The following RAB20 variants were observed in gnomAD, a reference collection of about 807,000 sequenced individuals.
RAB20 encodes ras-related protein Rab-20.
In RAB20, 2 loss-of-function variants were observed where a neutral mutation model predicts 3.7. The ratio of observed to expected loss-of-function variants is 0.54; its 90% CI spans 0.22 to 1.69. RAB20 has a LOEUF of 1.69. Ranked by LOEUF, RAB20 falls within the 40% of genes most tolerant of loss-of-function variation. The probability of loss-of-function intolerance (pLI) is 0.19; values close to 1 mark genes in which losing one functional copy is unlikely to be tolerated. For missense variants in RAB20, 276 were observed against 311.9 expected (o/e 0.88, Z 0.87); for synonymous variants, 126 against 130.8 (o/e 0.96, Z 0.25).
chr13:110,541,165 A>G (rs1594134342), intron 1 of RAB20, among the ~76,000 whole-genome samples: 1 of 151,208 alleles, frequency 6.6e-6, no homozygotes, highest in African/African-American at 2.4e-5. Flanking sequence ...ACACCTCACC[A>G]CTCTCCTGCC....
chr13:110,548,254 T>A (rs1254063860), intron 1 of RAB20, among the ~76,000 whole-genome samples: 1 of 152,116 alleles, frequency 6.6e-6, no homozygotes, highest in East Asian at 1.9e-4. Flanking sequence ...GAGGCCCAGG[T>A]GGGCAGATCA....
At chr13:110,536,938 C>A in intron 1 of RAB20, among the ~76,000 whole-genome samples, 1 of 77,136 alleles carries the variant, frequency 1.3e-5, no homozygotes, top group African/African-American at 4.9e-5. Context: ...CCTCCCCCCA[C>A]CCCACAACAG....
chr13:110,552,239 C>T (rs535995415), intron 1 of RAB20, among the ~76,000 whole-genome samples: 4 of 151,872 alleles, frequency 2.6e-5, no homozygotes, highest in Admixed American at 2.6e-4. Context: ...ATTAGCCGGG[C>T]ATGGTGGTGG....
In RAB20 at chr13:110,555,109, C is replaced by T. The variant is rs73623107; in HGVS notation, c.172+6239G>A. Among the ~76,000 whole-genome samples the T allele has an allele frequency of 0.013, 2,017 of 152,214 alleles. 37 individuals are homozygous for T. Among genetic ancestry groups the T allele is most frequent in the African/African-American group, 0.046 (1,910 of 41,540 alleles). ...GGAGCCTTGTGAAAAGGATGTAGCC[C>T]GGGAGTATGGAGCCTGCACAGAGCC... On this transcript the variant is annotated intron_variant, in intron 1 of 1. Transcript: ENST00000267328. This position sits in a 1 kb window ranked among gnomAD's most constrained non-coding sequence, Gnocchi z 4.0.
At position 110,553,149 on chromosome 13, in the gene RAB20, G is replaced by A. The variant is rs146944948; in HGVS notation, c.172+8199C>T. ...TGCACCCAGAAGGCACCTGTTCGAA[G>A]TCCTCAGTAGAGGTGACCATGTGGA... On this transcript the variant is annotated intron_variant, in intron 1 of 1. Transcript: ENST00000267328. 2.7e-3 allele frequency among the ~76,000 whole-genome samples: 416 copies of A among 152,364 alleles called. 1 individual carries two copies. Among genetic ancestry groups the A allele is most frequent in the Non-Finnish European group, 3.5e-3 (240 of 68,036 alleles).
intron 1 of RAB20, among the ~76,000 whole-genome samples, chr13:110,552,357 C>G (rs1206593983): frequency 2.9e-4 from 34 of 119,178 alleles, no homozygotes; most frequent in East Asian, 2.3e-3. Context: ...CCAGCCTGGG[C>G]AACAGAGTGA....
At chr13:110,527,282 G>A (rs369062782) in intron 1 of RAB20, among the ~76,000 whole-genome samples, 3 of 152,084 alleles carry the variant, frequency 2.0e-5, no homozygotes, top group East Asian at 3.9e-4. Flanking sequence ...CGCCCACAGA[G>A]ACACACACTC....
chr13:110,541,157 A>G (rs1884755177), intron 1 of RAB20, among the ~76,000 whole-genome samples: 2 of 151,824 alleles, frequency 1.3e-5, no homozygotes. Flanking sequence ...ATCTTTTCAC[A>G]CCTCACCACT....
At position 110,535,106 on chromosome 13, in the gene RAB20, T is replaced by C. The variant is rs544311512; in HGVS notation, c.173-10909A>G. On this transcript the variant is annotated intron_variant, in intron 1 of 1. Coordinates refer to ENST00000267328, the MANE Select transcript of RAB20 (RefSeq NM_017817.3). ...GCTTTGCCCTTCTAAAGTGCTGGGATTACAGGCCTGAGCCACCACGCCCAG... is the reference window on the plus strand; with the variant it reads ...GCTTTGCCCTTCTAAAGTGCTGGGACTACAGGCCTGAGCCACCACGCCCAG... Among the ~76,000 whole-genome samples the C allele has an allele frequency of 6.0e-4, 92 of 152,308 alleles. 1 individual carries two copies. The Middle Eastern group carries it at 0.01, about 17-fold the overall frequency.
rs201032279 is a variant in RAB20, at chr13:110,544,432, TA to T, written c.172+16915del. Among the ~76,000 whole-genome samples the T allele has an allele frequency of 8.8e-3, 1,343 of 152,324 alleles. 22 individuals carry two copies. Among genetic ancestry groups the T allele is most frequent in the African/African-American group, 0.031 (1,284 of 41,558 alleles). ...ATTTTAGAATTTTTTTCTATTTCTG[TA>T]AAAAATGCCATTGGAATTATGATAG... On this transcript the variant is annotated intron_variant, in intron 1 of 1. Coordinates refer to ENST00000267328, the MANE Select transcript of RAB20 (RefSeq NM_017817.3).
chr13:110,545,492 T>A (rs959988563), intron 1 of RAB20, among the ~76,000 whole-genome samples: 1 of 152,248 alleles, frequency 6.6e-6, no homozygotes, highest in Non-Finnish European at 1.5e-5. Context: ...TTCTGTCTAC[T>A]GCCACTTGCC....
At chr13:110,558,268 T>C (rs1274218626) in intron 1 of RAB20, among the ~76,000 whole-genome samples, 1 of 152,154 alleles carries the variant, frequency 6.6e-6, no homozygotes, top group Admixed American at 6.5e-5. Flanking sequence ...TGTGCCCAAT[T>C]AGACAAGGGC....
intron 1 of RAB20, among the ~76,000 whole-genome samples, chr13:110,533,399 G>A (rs913802407): frequency 2.0e-5 from 3 of 152,106 alleles, no homozygotes; most frequent in Non-Finnish European, 4.4e-5. Context: ...ATGGTGCGTG[G>A]AGGCCAGGCA....
chr13:110,527,926 CACACACACACACACACAT>C (rs1431721936), intron 1 of RAB20, among the ~76,000 whole-genome samples: 2 of 149,884 alleles, frequency 1.3e-5, no homozygotes, highest in African/African-American at 5.0e-5. Flanking sequence ...CACACACACA[CACACACACACACACACAT>C]ACACTTTAAT....
At chr13:110,557,841 G>A (rs937401214) in intron 1 of RAB20, among the ~76,000 whole-genome samples, 19 of 152,392 alleles carry the variant, frequency 1.2e-4, no homozygotes, top group African/African-American at 4.1e-4. Context: ...TAGAAGGGAA[G>A]GAAAACAAAT....
chr13:110,556,880 C>T (rs1182904209), intron 1 of RAB20, among the ~76,000 whole-genome samples: 1 of 152,196 alleles, frequency 6.6e-6, no homozygotes, highest in East Asian at 1.9e-4. Flanking sequence ...CAATAGGAAA[C>T]TGACACAGAC....
chr13:110,532,892 G>A (rs1884569185), intron 1 of RAB20, among the ~76,000 whole-genome samples: 1 of 152,034 alleles, frequency 6.6e-6, no homozygotes. Flanking sequence ...TGCTACCCAG[G>A]CTGGTCTTGA....
At position 110,523,450 on chromosome 13, in the gene RAB20, T is replaced by A. The variant is rs900433299; in HGVS notation, c.*215A>T. 3.1e-6 allele frequency: 3 copies of A among 959,888 alleles called. No homozygotes were observed. The highest frequency in any genetic ancestry group is 1.5e-6 in the Non-Finnish European group (1 of 668,774). The allele number at this position is 959,888 out of a possible 1,614,324, so 59.5% of individuals were successfully genotyped here. On this transcript the variant is annotated 3_prime_UTR_variant, in exon 2 of 2. Transcript: ENST00000267328. The stretch of plus-strand genomic sequence containing the variant: ...CAGATTGGGCTTTGCAGAGGATTCC[T>A]GTTTCCCACCTCCCCACCCCTCTGA...
chr13:110,536,158 T>G (rs766000458), intron 1 of RAB20, among the ~76,000 whole-genome samples: 3 of 152,094 alleles, frequency 2.0e-5, no homozygotes, highest in Non-Finnish European at 4.4e-5. Flanking sequence ...GAGCCACAGC[T>G]CCGCAGGCAA....
Sources: allele counts gnomAD v4.1 joint callset (sites outside exome capture counted in the v4.1 genomes callset), GRCh38; gene constraint gnomAD v4.1.1; non-coding constraint Gnocchi (gnomAD v3.1); transcripts MANE v1.5; gene names NCBI Gene and HGNC (gene_info 2026-07-23, HGNC 2026-07-21).